Variants in RNF183 observed in about 807,000 individuals in gnomAD.
RNF183 encodes the protein E3 ubiquitin-protein ligase RNF183.
A neutral mutation model predicts 9.0 loss-of-function variants in RNF183; 4 were observed. That is an observed-to-expected ratio of 0.44 (90% confidence interval 0.22 to 1.01). The LOEUF is 1.01. RNF183 is among the 50% of genes least tolerant of loss of function. RNF183 has a pLI of 0.25. For missense variants in RNF183, 227 were observed against 253.6 expected, an observed-to-expected ratio of 0.89 and a Z score of 0.71; for synonymous variants, 102 against 107.5, an observed-to-expected ratio of 0.95 and a Z score of 0.32.
rs200052744 is a variant in RNF183 at position 113,297,944 on chromosome 9, G to A, written c.241C>T (p.Leu81Phe). ...VTDLPTDTAMLALLRLEPHHV... is the reference protein window; with the variant it reads ...VTDLPTDTAMFALLRLEPHHV... Reference sequence around the variant, plus strand: ...TGGGGCTCCAGGCGGAGCAGGGCGAGCATGGCAGTGTCCGTGGGCAAGTCA... The same window carrying A: ...TGGGGCTCCAGGCGGAGCAGGGCGAACATGGCAGTGTCCGTGGGCAAGTCA... Residue 81 changes from leucine to phenylalanine, a missense_variant, in exon 5 of 5, where the codon CTC becomes TTC. Leu to Phe is a conservative substitution (Grantham distance 22). Transcript: ENST00000489339. 6.1e-4 allele frequency: 983 copies of A among 1,613,816 alleles called. 2 individuals are homozygous for A. Among genetic ancestry groups the A allele is most frequent in the Non-Finnish European group, 7.5e-4 (880 of 1,179,862 alleles).
rs368969884 is a variant in RNF183, at chr9:113,297,394, C to G, written c.*212G>C. 1 of 419,148 alleles carries G rather than the reference C, an allele frequency of 2.4e-6. No homozygotes were observed. Among genetic ancestry groups the G allele is most frequent in the Non-Finnish European group, 4.3e-6 (1 of 230,846 alleles). 26.0% of individuals were successfully genotyped at this position (419,148 alleles called of 1,614,324 possible). On this transcript the variant is annotated 3_prime_UTR_variant, in exon 5 of 5. Coordinates refer to ENST00000489339, the MANE Select transcript of RNF183 (RefSeq NM_001371237.1). ...GCCCTTCCATGACGCCACACTCACA[C>G]CCGGAGGTCGCTCCACATCTCCCAG...
Position 113,297,313 on chromosome 9 carries a change from T to G in RNF183, c.*293A>C, listed in dbSNP as rs1832748508. ...GGCTAGTCAGGTTCCTGGATACCAC[T>G]GTGCAGCCCTTTGGCACAACTTGCT... On this transcript the variant is annotated 3_prime_UTR_variant, in exon 5 of 5. Coordinates refer to ENST00000489339, the MANE Select transcript of RNF183 (RefSeq NM_001371237.1). 4.5e-6 allele frequency: 1 copy of G among 223,744 alleles called. No homozygotes were observed. Among genetic ancestry groups the G allele is most frequent in the Admixed American group, 5.7e-5 (1 of 17,648 alleles). 13.9% of individuals were successfully genotyped at this position (223,744 alleles called of 1,614,324 possible).
At chr9:113,299,944 G>A (rs538739202) in intron 3 of RNF183, among the ~76,000 whole-genome samples, 169 bp from the exon 4 acceptor site, 3 of 152,236 alleles carry the variant, frequency 2.0e-5, no homozygotes, top group South Asian at 2.1e-4. Context: ...CATCCATGCC[G>A]TCCCCCTACT....
chr9:113,300,988 T>C (rs76048965), intron 3 of RNF183, among the ~76,000 whole-genome samples: 1,624 of 152,122 alleles, frequency 0.011, 23 homozygotes, highest in African/African-American at 0.037. Flanking sequence ...AGTGATATCT[T>C]TGGGGACAGA....
At position 113,297,796 on chromosome 9, in the gene RNF183, G is replaced by A. The variant is rs528802850; in HGVS notation, c.389C>T (p.Pro130Leu). The change falls in exon 5 of 5, where the codon CCG (proline) becomes CTG (leucine). Residue 130 changes from proline (P) to leucine (L), a missense_variant. Transcript: ENST00000489339. ...LGPQPGGQTG[P>L]PPDTASATVS... ...GGTGGCAGAGGCCGTGTCTGGGGGCGGCCCAGTCTGGCCCCCAGGCTGGGG... is the reference window on the plus strand; with the variant it reads ...GGTGGCAGAGGCCGTGTCTGGGGGCAGCCCAGTCTGGCCCCCAGGCTGGGG... 5.2e-5 allele frequency: 83 copies of A among 1,610,756 alleles called. No homozygotes were observed. The highest frequency in any genetic ancestry group is 5.5e-5 in the Non-Finnish European group (65 of 1,178,420).
intron 4 of RNF183, chr9:113,299,055 G>C (rs1476898724): frequency 1.3e-5 from 2 of 152,336 alleles, no homozygotes; most frequent in African/African-American, 2.4e-5. Context: ...AGCTTTGGGA[G>C]ACTGCCTTCT....
Position 113,297,880 on chromosome 9 carries a change from T to A in RNF183, c.305A>T (p.Asp102Val). ...ILEGHQLCLK[D>V]QPKSRYFLRQ... ...CAGGAAGTAGCGGCTCTTGGGCTGG[T>A]CCTTGAGGCACAGCTGATGGCCTTC... The change falls in exon 5 of 5, where the codon GAC (aspartate) becomes GTC (valine). Residue 102 changes from aspartate (D) to valine (V), a missense_variant. Transcript: ENST00000489339. 1 of 1,613,508 alleles carries A rather than the reference T, an allele frequency of 6.2e-7. No homozygotes were observed. The highest frequency in any genetic ancestry group is 1.1e-5 in the South Asian group (1 of 91,004).
In RNF183 at chr9:113,303,273, T is replaced by G. The variant is rs1211404672; in HGVS notation, c.-658A>C. 1 of 152,870 alleles carries G rather than the reference T, an allele frequency of 6.5e-6. No individual in the cohort carries two copies. The highest frequency in any genetic ancestry group is 1.9e-4 in the East Asian group (1 of 5,216). 9.5% of individuals were successfully genotyped at this position (152,870 alleles called of 1,614,324 possible). On this transcript the variant is annotated 5_prime_UTR_variant, in exon 1 of 5. Transcript: ENST00000489339. ...CACCCTGGAAGCTTTGGTTGCTTTG[T>G]CTTTCTCCTGTGAGTCACTCTGGCT...
Position 113,298,067 on chromosome 9 carries a change from A to G in RNF183, c.118T>C (p.Cys40Arg). ...LDCCHSFCVE[C>R]LAHLSLVTPA... ...GTCACAAGGCTGAGGTGGGCCAGACATTCCACGCAGAAGGAGTGGCAGCAA... is the reference window on the plus strand; with the variant it reads ...GTCACAAGGCTGAGGTGGGCCAGACGTTCCACGCAGAAGGAGTGGCAGCAA... Residue 40 changes from cysteine to arginine, a missense_variant, in exon 5 of 5, where the codon TGT becomes CGT. Coordinates refer to ENST00000489339, the MANE Select transcript of RNF183 (RefSeq NM_001371237.1). The surrounding 1 kb of genome is among the most constrained non-coding windows in gnomAD (Gnocchi z 4.9). 1 of 1,614,070 alleles carries G rather than the reference A, an allele frequency of 6.2e-7. No homozygotes were observed. The highest frequency in any genetic ancestry group is 8.5e-7 in the Non-Finnish European group (1 of 1,180,000).
In RNF183 at chr9:113,298,009, C is replaced by T. The variant is rs1391962597; in HGVS notation, c.176G>A (p.Cys59Tyr). The T allele has an allele frequency of 9.3e-6, 15 of 1,613,810 alleles. No individual in the cohort carries two copies. The highest frequency in any genetic ancestry group is 1.3e-5 in the African/African-American group (1 of 74,864). The change falls in exon 5 of 5, where the codon TGT (cysteine) becomes TAT (tyrosine). Residue 59 changes from cysteine (C) to tyrosine (Y), a missense_variant. Cys to Tyr is a radical substitution (Grantham distance 194, BLOSUM62 -2). Coordinates refer to ENST00000489339, the MANE Select transcript of RNF183 (RefSeq NM_001371237.1). This position sits in a 1 kb window ranked among gnomAD's most constrained non-coding sequence, Gnocchi z 4.9. ...TGAGGCCAGCACTGTGGGCTGGCGACAGAGTGGGCACAGCAGGCGGCGCCG... is the reference window on the plus strand; with the variant it reads ...TGAGGCCAGCACTGTGGGCTGGCGATAGAGTGGGCACAGCAGGCGGCGCCG... ...PARRRLLCPL[C>Y]RQPTVLASGQ...
Position 113,298,075 on chromosome 9 carries a change from CAGA to C in RNF183, c.107_109del (p.Phe36del), listed in dbSNP as rs756932142. ...GCTGAGGTGGGCCAGACATTCCACG[CAGA>C]AGGAGTGGCAGCAATCCAGCATTTT... On this transcript the variant is annotated inframe_deletion, in exon 5 of 5. Coordinates refer to ENST00000489339, the MANE Select transcript of RNF183 (RefSeq NM_001371237.1). This position sits in a 1 kb window ranked among gnomAD's most constrained non-coding sequence, Gnocchi z 4.9. The C allele has an allele frequency of 5.0e-6, 8 of 1,614,024 alleles. No individual in the cohort carries two copies. Among genetic ancestry groups the C allele is most frequent in the Admixed American group, 3.3e-5 (2 of 60,024 alleles).
rs1325425760 is a variant in RNF183 at position 113,298,196 on chromosome 9, C to T, written c.-12G>A. 1.2e-6 allele frequency: 2 copies of T among 1,601,408 alleles called. No homozygotes were observed. The highest frequency in any genetic ancestry group is 2.2e-5 in the South Asian group (2 of 89,350). Reference sequence around the variant, plus strand: ...TGCTGCTCAGCCATCCTCAGCCACACACGGGGAGGCTTCGCGGGAGACGTC... The same window carrying T: ...TGCTGCTCAGCCATCCTCAGCCACATACGGGGAGGCTTCGCGGGAGACGTC... On this transcript the variant is annotated 5_prime_UTR_variant, in exon 5 of 5. The change creates a new upstream start codon in the 5' untranslated region. Transcript: ENST00000489339. This position sits in a 1 kb window ranked among gnomAD's most constrained non-coding sequence, Gnocchi z 4.9.
chr9:113,301,565 A>C (rs575584616), intron 3 of RNF183, 107 bp downstream of exon 3: 4 of 152,340 alleles, frequency 2.6e-5, no homozygotes, highest in Admixed American at 2.6e-4. Flanking sequence ...ATTTGAGAGA[A>C]AGGAAGGGTC....
At position 113,301,741 on chromosome 9, in the gene RNF183, A is replaced by G. The variant is rs1369343027; in HGVS notation, c.-311T>C. 6.6e-6 allele frequency: 1 copy of G among 152,220 alleles called. No individual in the cohort carries two copies. The highest frequency in any genetic ancestry group is 1.5e-5 in the Non-Finnish European group (1 of 68,036). 9.4% of individuals were successfully genotyped at this position (152,220 alleles called of 1,614,324 possible). On this transcript the variant is annotated 5_prime_UTR_variant, in exon 3 of 5. The change abolishes an upstream ATG in the 5' untranslated region. Coordinates refer to ENST00000489339, the MANE Select transcript of RNF183 (RefSeq NM_001371237.1). ...ACTGGGAATCGATTCCACGGAAACCATCAAGGACTTCTGCAAAGATGTGAG... is the reference window on the plus strand; with the variant it reads ...ACTGGGAATCGATTCCACGGAAACCGTCAAGGACTTCTGCAAAGATGTGAG...
Position 113,297,436 on chromosome 9 carries a change from T to G in RNF183, c.*170A>C, listed in dbSNP as rs1229251370. 6 of 527,622 alleles carry G rather than the reference T, an allele frequency of 1.1e-5. No homozygotes were observed. Among genetic ancestry groups the G allele is most frequent in the Admixed American group, 3.8e-5 (1 of 26,426 alleles). The allele number at this position is 527,622 out of a possible 1,614,324, so 32.7% of individuals were successfully genotyped here. On this transcript the variant is annotated 3_prime_UTR_variant, in exon 5 of 5. Coordinates refer to ENST00000489339, the MANE Select transcript of RNF183 (RefSeq NM_001371237.1). ...ATCTCCCAGTCCTTCAAGCTTTTCG[T>G]TTTTTTGTTTTTTTTTAAAATTGTT...
At chr9:113,302,955 T>A (rs1832963012) in intron 1 of RNF183, 101 bp downstream of exon 1, 1 of 152,270 alleles carries the variant, frequency 6.6e-6, no homozygotes, top group Non-Finnish European at 1.5e-5. Flanking sequence ...TAGCCTGCCC[T>A]CCCAGGCCAG....
At chr9:113,301,014 C>T (rs1186230693) in intron 3 of RNF183, among the ~76,000 whole-genome samples, 1 of 152,068 alleles carries the variant, frequency 6.6e-6, no homozygotes, top group African/African-American at 2.4e-5. Flanking sequence ...AGCCACTTCC[C>T]AAGAAGCAGT....
Position 113,298,003 on chromosome 9 carries a change from T to C in RNF183, c.182A>G (p.Gln61Arg). The change falls in exon 5 of 5, where the codon CAG (glutamine) becomes CGG (arginine). Residue 61 changes from glutamine (Q) to arginine (R), a missense_variant. Transcript: ENST00000489339. This position sits in a 1 kb window ranked among gnomAD's most constrained non-coding sequence, Gnocchi z 4.9. ...CTGCCCTGAGGCCAGCACTGTGGGC[T>C]GGCGACAGAGTGGGCACAGCAGGCG... is the stretch of plus-strand genomic sequence containing the variant. ...RRRLLCPLCR[Q>R]PTVLASGQPV... is the part of the protein sequence containing the mutation. The C allele has an allele frequency of 6.2e-7, 1 of 1,613,924 alleles. No homozygotes were observed. Among genetic ancestry groups the C allele is most frequent in the Non-Finnish European group, 8.5e-7 (1 of 1,179,972 alleles).
In RNF183 at chr9:113,297,401, G is replaced by T. The variant is rs984279481; in HGVS notation, c.*205C>A. On this transcript the variant is annotated 3_prime_UTR_variant, in exon 5 of 5. Transcript: ENST00000489339. The stretch of plus-strand genomic sequence containing the variant: ...CATGACGCCACACTCACACCCGGAG[G>T]TCGCTCCACATCTCCCAGTCCTTCA... The T allele has an allele frequency of 9.3e-6, 4 of 430,172 alleles. No individual in the cohort carries two copies. The highest frequency in any genetic ancestry group is 8.3e-5 in the Admixed American group (2 of 24,156). 26.6% of individuals were successfully genotyped at this position (430,172 alleles called of 1,614,324 possible). A position where few individuals can be genotyped will look rare whatever the true frequency, so the allele number is the denominator to read the frequency against.
Sources: allele counts gnomAD v4.1 joint callset (sites outside exome capture counted in the v4.1 genomes callset), GRCh38; gene constraint gnomAD v4.1.1; non-coding constraint Gnocchi (gnomAD v3.1); transcripts MANE v1.5; gene names NCBI Gene and HGNC (gene_info 2026-07-23, HGNC 2026-07-21).